The following HTR3A variants were observed in gnomAD, a reference collection of about 807,000 sequenced individuals.
HTR3A encodes the protein 5-hydroxytryptamine (serotonin) receptor 3A, ionotropic.
A neutral mutation model predicts 54.8 loss-of-function variants in HTR3A; 45 were observed. The ratio of observed to expected loss-of-function variants is 0.82; its 90% CI spans 0.65 to 1.05. HTR3A has a LOEUF of 1.05. Ranked by LOEUF, HTR3A falls within the 50% of genes least tolerant of loss-of-function variation. The pLI, the probability that HTR3A is intolerant of heterozygous loss-of-function variation, is 0.00. For missense variants in HTR3A, 657 were observed against 614.0 expected (o/e 1.07, Z -0.74); for synonymous variants, 297 against 256.0 (o/e 1.16, Z -1.53).
In HTR3A at chr11:113,988,814, G is replaced by A. The variant is rs533579507; in HGVS notation, c.1139-651G>A. 5.3e-5 allele frequency among the ~76,000 whole-genome samples: 8 copies of A among 152,186 alleles called. No individual in the cohort carries two copies. In the East Asian group the frequency reaches 9.7e-4, roughly 18 times the overall value. The stretch of plus-strand genomic sequence containing the variant: ...AACAAACAAACAGAATAGTAATCAC[G>A]CCTACTCTGCCTCTTTTGTGAGGCT... On this transcript the variant is annotated intron_variant, in intron 8 of 8. Transcript: ENST00000504030.
chr11:113,983,093 C>G (rs376499192), intron 4 of HTR3A, 27 bp from the exon 5 acceptor site: 1 of 1,614,150 alleles, frequency 6.2e-7, no homozygotes, highest in Non-Finnish European at 8.5e-7. Flanking sequence ...TCTTGAGCTC[C>G]CAAACTAACC....
At chr11:113,979,014 T>C (rs1344297667) in intron 2 of HTR3A, among the ~76,000 whole-genome samples, 3 of 152,142 alleles carry the variant, frequency 2.0e-5, no homozygotes, top group African/African-American at 7.2e-5. Flanking sequence ...AAATGAATCA[T>C]TTTTACTTCT....
chr11:113,984,400 C>T (rs1406348536), intron 5 of HTR3A, among the ~76,000 whole-genome samples: 1 of 151,922 alleles, frequency 6.6e-6, no homozygotes, highest in Non-Finnish European at 1.5e-5. Context: ...AGGATTGCTT[C>T]AGCCCAGGAG....
chr11:113,988,763 CCAAA>C (rs557606621), intron 8 of HTR3A, among the ~76,000 whole-genome samples: 9 of 151,546 alleles, frequency 5.9e-5, no homozygotes, highest in Non-Finnish European at 7.4e-5. Flanking sequence ...GACTTGGTCT[CCAAA>C]CAAACAAACA....
chr11:113,975,811 T>C (rs1352603922), intron 1 of HTR3A, among the ~76,000 whole-genome samples: 1 of 152,132 alleles, frequency 6.6e-6, no homozygotes, highest in Non-Finnish European at 1.5e-5. Context: ...GAGCGGATAA[T>C]TCATTCAAGG....
Position 113,989,762 on chromosome 11 carries a change from G to C in HTR3A, c.1436G>C (p.Ter479SerextTer14). ...VMLWSIWQYA[*>S] ...CTCTGGTCCATCTGGCAGTACGCTT[G>C]AGTGGGTACAGCCCAGTGGAGGAGG... Residue 479 changes from the stop codon to serine, a stop_lost, in exon 9 of 9, where the codon TGA becomes TCA. Coordinates refer to ENST00000504030, the MANE Select transcript of HTR3A (RefSeq NM_000869.6). This position sits in a 1 kb window ranked among gnomAD's most constrained non-coding sequence, Gnocchi z 4.4. 6.2e-7 allele frequency: 1 copy of C among 1,609,304 alleles called. No homozygotes were observed.
At chr11:113,980,661 T>C (rs1334065261) in intron 3 of HTR3A, among the ~76,000 whole-genome samples, 1 of 152,178 alleles carries the variant, frequency 6.6e-6, no homozygotes, top group Non-Finnish European at 1.5e-5. Context: ...GCTAGAGGGA[T>C]AGCGGAGGTC....
intron 5 of HTR3A, among the ~76,000 whole-genome samples, chr11:113,984,602 A>G (rs1344710862): frequency 1.3e-5 from 2 of 152,168 alleles, no homozygotes; most frequent in Admixed American, 6.5e-5. Context: ...GGCTGGTGAA[A>G]TGCACACCAC....
At position 113,981,324 on chromosome 11, in the gene HTR3A, T is replaced by A; in HGVS notation, c.374+12T>A. On this transcript the variant is annotated intron_variant, in intron 4 of 8. Transcript: ENST00000504030. ...CTCATCAATGAGTTGTGAGTACCGT[T>A]ATCCATTGTGAGGTGGCTGGGTGGC... 2 of 1,554,382 alleles carry A rather than the reference T, an allele frequency of 1.3e-6. No homozygotes were observed. The highest frequency in any genetic ancestry group is 1.8e-6 in the Non-Finnish European group (2 of 1,125,482).
In HTR3A at chr11:113,989,532, T is replaced by C; in HGVS notation, c.1206T>C (p.Cys402=). 1 of 1,614,108 alleles carries C rather than the reference T, an allele frequency of 6.2e-7. No homozygotes were observed. Among genetic ancestry groups the C allele is most frequent in the Non-Finnish European group, 8.5e-7 (1 of 1,180,016 alleles). ...TCGAGAAGAGCCCGAGGGACAGATG[T>C]AGCCCTCCCCCACCACCTCGGGAGG... The part of the protein sequence containing the change: ...QDFEKSPRDR[C]SPPPPPREAS... Residue 402 remains cysteine (C), a synonymous_variant, in exon 9 of 9, where the codon TGT becomes TGC. Transcript: ENST00000504030. The surrounding 1 kb of genome is among the most constrained non-coding windows in gnomAD (Gnocchi z 4.4).
At position 113,975,333 on chromosome 11, in the gene HTR3A, T is replaced by C; in HGVS notation, c.8T>C (p.Leu3Pro). MLLWVQQALLALL... is the reference protein window; with the variant it reads MLPWVQQALLALL... Reference sequence around the variant, plus strand: ...ATGCTTGGAAAGCTCGCTATGCTGCTGTGGGTCCAGCAGGCGCTGCTCGCC... The same window carrying C: ...ATGCTTGGAAAGCTCGCTATGCTGCCGTGGGTCCAGCAGGCGCTGCTCGCC... The change falls in exon 1 of 9, where the codon CTG becomes CCG. Residue 3 changes from leucine to proline, a missense_variant. By Grantham distance (98) the Leu-to-Pro change is moderately conservative (BLOSUM62 -3). Coordinates refer to ENST00000504030, the MANE Select transcript of HTR3A (RefSeq NM_000869.6). 1.2e-6 allele frequency: 2 copies of C among 1,613,606 alleles called. No individual in the cohort carries two copies. Among genetic ancestry groups the C allele is most frequent in the Non-Finnish European group, 1.7e-6 (2 of 1,180,024 alleles).
At chr11:113,976,582 T>A (rs994003399) in intron 1 of HTR3A, among the ~76,000 whole-genome samples, 1 of 83,978 alleles carries the variant, frequency 1.2e-5, no homozygotes, top group East Asian at 3.0e-4. Context: ...TGTGTGTGTG[T>A]GTGTGTGTGT....
intron 2 of HTR3A, among the ~76,000 whole-genome samples, chr11:113,978,180 G>A (rs56376240): frequency 0.058 from 8,794 of 152,244 alleles, 374 homozygotes; most frequent in Non-Finnish European, 0.08. Context: ...TTCATACACT[G>A]CATAATGATA....
Position 113,983,170 on chromosome 11 carries a change from A to G in HTR3A, c.425A>G (p.Gln142Arg). ...PNIPYVYIRHQGEVQNYKPLQ... is the reference protein window; with the variant it reads ...PNIPYVYIRHRGEVQNYKPLQ... ...ATCCCGTACGTGTATATTCGGCATC[A>G]AGGCGAAGTTCAGAACTACAAGCCC... is the stretch of plus-strand genomic sequence containing the variant. The change falls in exon 5 of 9, where the codon CAA becomes CGA. Residue 142 changes from glutamine to arginine, a missense_variant. Gln to Arg is a conservative substitution (Grantham distance 43, BLOSUM62 1). Transcript: ENST00000504030. The G allele has an allele frequency of 1.2e-6, 2 of 1,614,186 alleles. No homozygotes were observed. The highest frequency in any genetic ancestry group is 1.7e-6 in the Non-Finnish European group (2 of 1,180,020).
At chr11:113,983,044 T>C in intron 4 of HTR3A, 76 bp from the exon 5 acceptor site, 1 of 1,556,118 alleles carries the variant, frequency 6.4e-7, no homozygotes, top group Non-Finnish European at 8.9e-7. Context: ...CCCTACCCAG[T>C]TGTTCCAAGA....
chr11:113,979,577 C>G (rs757870714), intron 3 of HTR3A, among the ~76,000 whole-genome samples: 6 of 152,202 alleles, frequency 3.9e-5, no homozygotes, highest in Non-Finnish European at 7.3e-5. Flanking sequence ...CCCCTTCACT[C>G]TCAGCCAGCT....
intron 3 of HTR3A, among the ~76,000 whole-genome samples, chr11:113,980,577 T>C (rs1950409766): frequency 6.6e-6 from 1 of 152,166 alleles, no homozygotes; most frequent in Non-Finnish European, 1.5e-5. Flanking sequence ...CGCAGAGACA[T>C]GGAGGTTCCA....
chr11:113,983,367 G>A (rs1950447934), intron 5 of HTR3A, 78 bp downstream of exon 5: 4 of 1,523,426 alleles, frequency 2.6e-6, no homozygotes, highest in East Asian at 2.3e-5. Context: ...GTGCTCCCCA[G>A]GGCGCCTTCT....
rs372870692 is a variant in HTR3A, at chr11:113,979,291, C to T, written c.264+14C>T. 734 of 1,599,922 alleles carry T rather than the reference C, an allele frequency of 4.6e-4. 2 individuals carry two copies. The African/African-American group carries it at 9.3e-3, about 20-fold the overall frequency. ...TGGTACCGGCAGGTGAGCAGACCCG[C>T]CCCTCCCTGCCCCCGTTACCCATCC... On this transcript the variant is annotated intron_variant, in intron 3 of 8. Coordinates refer to ENST00000504030, the MANE Select transcript of HTR3A (RefSeq NM_000869.6).
Sources: allele counts gnomAD v4.1 joint callset (sites outside exome capture counted in the v4.1 genomes callset), GRCh38; gene constraint gnomAD v4.1.1; non-coding constraint Gnocchi (gnomAD v3.1); transcripts MANE v1.5; gene names NCBI Gene and HGNC (gene_info 2026-07-23, HGNC 2026-07-21).